The following PHF12 variants were observed in gnomAD, a reference collection of about 807,000 sequenced individuals.
PHF12 encodes the protein PHD finger protein 12.
PHF12 carries 6 observed loss-of-function variants against 99.8 expected under a neutral mutation model. The ratio of observed to expected loss-of-function variants is 0.06; its 90% CI spans 0.03 to 0.12. PHF12 has a LOEUF of 0.12. PHF12 is among the 10% of genes least tolerant of loss of function. The pLI, the probability that PHF12 is intolerant of heterozygous loss-of-function variation, is 1.00. For missense variants in PHF12, 954 were observed against 1,300.1 expected, an observed-to-expected ratio of 0.73 and a Z score of 4.09; for synonymous variants, 480 against 514.9, an observed-to-expected ratio of 0.93 and a Z score of 0.92.
intron 12 of PHF12, 73 bp from the exon 13 acceptor site, chr17:28,907,745 G>C (rs1190268206): frequency 7.0e-7 from 1 of 1,430,382 alleles, no homozygotes; most frequent in Non-Finnish European, 9.8e-7. Flanking sequence ...GGGGAGGTAA[G>C]ACAGGGAGAG....
rs1331316654 is a variant in PHF12 at position 28,910,124 on chromosome 17, T to A, written c.2359+102A>T. On this transcript the variant is annotated intron_variant, in intron 11 of 14. Coordinates refer to ENST00000332830, the MANE Select transcript of PHF12 (RefSeq NM_001033561.2). ...AGCCCATGAAAAGCACACAAGGAGG[T>A]TTGAGATACTGGAAGCTCAGATTCT... is the stretch of plus-strand genomic sequence containing the variant. 4.6e-6 allele frequency: 7 copies of A among 1,535,426 alleles called. No homozygotes were observed. The South Asian group carries it at 7.8e-5, about 17-fold the overall frequency.
rs768115709 is a variant in PHF12, at chr17:28,924,137, T to G, written c.487A>C (p.Arg163=). 9.3e-6 allele frequency: 15 copies of G among 1,614,112 alleles called. No individual in the cohort carries two copies. The highest frequency in any genetic ancestry group is 1.3e-5 in the Non-Finnish European group (15 of 1,180,048). ...GCGCTGGATGTGGGTGTGCCAGGCC[T>G]GCTGGCTCTCCTTTCCAGGATCCGG... ...HARILERRAS[R]PGTPTSSAST... Residue 163 remains arginine (R), a synonymous_variant, in exon 4 of 15, where the codon AGG becomes CGG. Coordinates refer to ENST00000332830, the MANE Select transcript of PHF12 (RefSeq NM_001033561.2).
In PHF12 at chr17:28,926,983, A is replaced by G. The variant is rs1167708830; in HGVS notation, c.321+8T>C. 1.2e-6 allele frequency: 2 copies of G among 1,613,994 alleles called. No individual in the cohort carries two copies. The highest frequency in any genetic ancestry group is 1.7e-5 in the Admixed American group (1 of 60,028). On this transcript the variant is annotated splice_region_variant and intron_variant, in intron 3 of 14. Transcript: ENST00000332830. ...TTCTGGACAGTCTTCAGAAAGCAGC[A>G]TTATTACCTTTCGGCGAACAGTGCA...
Position 28,924,177 on chromosome 17 carries a change from C to T in PHF12, c.447G>A (p.Lys149=), listed in dbSNP as rs761790356. ...LDRSASKTEL[K]AIAHARILER... is the part of the protein sequence containing the mutation. The stretch of plus-strand genomic sequence containing the variant: ...CCAGGATCCGGGCATGGGCAATGGC[C>T]TTTAGTTCAGTTTTGCTGGCCGATC... The change falls in exon 4 of 15, where the codon AAG becomes AAA. Residue 149 remains lysine, a synonymous_variant. Coordinates refer to ENST00000332830, the MANE Select transcript of PHF12 (RefSeq NM_001033561.2). The T allele has an allele frequency of 6.2e-7, 1 of 1,614,172 alleles. No individual in the cohort carries two copies. The highest frequency in any genetic ancestry group is 1.1e-5 in the South Asian group (1 of 91,086).
chr17:28,941,217 T>C (rs575899466), intron 2 of PHF12, among the ~76,000 whole-genome samples: 4 of 152,070 alleles, frequency 2.6e-5, no homozygotes, highest in African/African-American at 9.7e-5. Flanking sequence ...TGTGTTGGGG[T>C]TGGGACAAGA....
chr17:28,932,912 C>CTA (rs1394348474), intron 2 of PHF12, among the ~76,000 whole-genome samples: 5 of 151,184 alleles, frequency 3.3e-5, no homozygotes, highest in Admixed American at 1.3e-4. Flanking sequence ...CATCACTGCA[C>CTA]TCTAGCCTGG....
chr17:28,924,778 C>G (rs2040237557), intron 3 of PHF12: 1 of 193,624 alleles, frequency 5.2e-6, no homozygotes, highest in South Asian at 7.4e-5. Context: ...TGGTGAAACC[C>G]CATCTCTACT....
chr17:28,907,024 T>TAA, intron 13 of PHF12, 30 bp from the exon 14 acceptor site: 1 of 1,582,630 alleles, frequency 6.3e-7, no homozygotes, highest in African/African-American at 1.3e-5. Context: ...ATAAGATGTG[T>TAA]GGTCTGCTGT....
chr17:28,923,062 C>A (rs1047733677), intron 4 of PHF12, among the ~76,000 whole-genome samples: 1 of 150,218 alleles, frequency 6.7e-6, no homozygotes, highest in East Asian at 2.0e-4. Flanking sequence ...AAAAAAAATT[C>A]TATATTAATA....
chr17:28,907,052 G>A (rs1016911626), intron 13 of PHF12, 58 bp from the exon 14 acceptor site: 20 of 1,534,352 alleles, frequency 1.3e-5, no homozygotes, highest in Non-Finnish European at 1.8e-5. Flanking sequence ...CTGGGGCTAA[G>A]GGGAGAGAGG....
At chr17:28,927,258 G>A (rs942026334) in intron 2 of PHF12, among the ~76,000 whole-genome samples, 195 bp from the exon 3 acceptor site, 1 of 152,150 alleles carries the variant, frequency 6.6e-6, no homozygotes, top group Non-Finnish European at 1.5e-5. Context: ...CCACACCTTA[G>A]AGAGAGAAGC....
rs547999120 is a variant in PHF12 at position 28,907,956 on chromosome 17, A to G, written c.2459-284T>C. 20 of 280,814 alleles carry G rather than the reference A, an allele frequency of 7.1e-5. No homozygotes were observed. In the Admixed American group the frequency reaches 8.4e-4, roughly 12 times the overall value. 17.4% of individuals were successfully genotyped at this position (280,814 alleles called of 1,614,324 possible). ...CTACTGAAGAGGATGGGATATTTCTATGAAAATACAACATCGGGGTGCAGA... is the reference window on the plus strand; with the variant it reads ...CTACTGAAGAGGATGGGATATTTCTGTGAAAATACAACATCGGGGTGCAGA... On this transcript the variant is annotated intron_variant, in intron 12 of 14. Transcript: ENST00000332830.
chr17:28,940,281 T>C (rs2040590102), intron 2 of PHF12, among the ~76,000 whole-genome samples: 1 of 152,362 alleles, frequency 6.6e-6, no homozygotes, highest in South Asian at 2.1e-4. Flanking sequence ...CCACTAGGAA[T>C]TACACGGCAG....
chr17:28,914,145 C>A, intron 7 of PHF12, 108 bp from the exon 8 acceptor site: 2 of 1,253,242 alleles, frequency 1.6e-6, no homozygotes, highest in African/African-American at 1.5e-5. Context: ...CTCAAGGGAC[C>A]ATCCACTCTG....
rs1238150933 is a variant in PHF12, at chr17:28,910,219, T to A, written c.2359+7A>T. 6.2e-7 allele frequency: 1 copy of A among 1,614,118 alleles called. No homozygotes were observed. Among genetic ancestry groups the A allele is most frequent in the East Asian group, 2.2e-5 (1 of 44,894 alleles). On this transcript the variant is annotated splice_region_variant and intron_variant, in intron 11 of 14. Coordinates refer to ENST00000332830, the MANE Select transcript of PHF12 (RefSeq NM_001033561.2). ...GATGATGTGGTGACAGGTGTGTACA[T>A]GCGCACCTTCTATGTGGTGCCCTCC...
intron 2 of PHF12, among the ~76,000 whole-genome samples, chr17:28,948,688 C>G (rs1207966692): frequency 6.6e-6 from 1 of 152,192 alleles, no homozygotes; most frequent in Non-Finnish European, 1.5e-5. Context: ...AGACACTACT[C>G]CACAAACCGA....
rs571592962 is a variant in PHF12, at chr17:28,950,344, C to G, written c.67-98G>C. The G allele has an allele frequency of 4.9e-4, 636 of 1,309,476 alleles. 1 individual carries two copies. Among genetic ancestry groups the G allele is most frequent in the Non-Finnish European group, 5.8e-4 (560 of 969,106 alleles). 81.1% of individuals were successfully genotyped at this position (1,309,476 alleles called of 1,614,324 possible). A position where few individuals can be genotyped will look rare whatever the true frequency, so the allele number is the denominator to read the frequency against. The stretch of plus-strand genomic sequence containing the variant: ...TTCTCCGTCACCCACCCCTCTCCCC[C>G]CTTTTGTCCTTCTTCCTCCCATCCA... On this transcript the variant is annotated intron_variant, in intron 1 of 14. Coordinates refer to ENST00000332830, the MANE Select transcript of PHF12 (RefSeq NM_001033561.2). The surrounding 1 kb of genome is among the most constrained non-coding windows in gnomAD (Gnocchi z 5.7).
chr17:28,933,532 T>C (rs750496045), intron 2 of PHF12, among the ~76,000 whole-genome samples: 1 of 152,254 alleles, frequency 6.6e-6, no homozygotes. Context: ...ACTCTCAGGA[T>C]ATGCTTCAGA....
chr17:28,951,416 G>A lies in PHF12; in HGVS notation c.-456C>T. On this transcript the variant is annotated 5_prime_UTR_variant, in exon 1 of 15. Transcript: ENST00000332830. ...GGGTGGTCCCCGGGCTCCGCCTCTC[G>A]CCGCCGCCGCCGTCTGCGTCCCGGC... The A allele has an allele frequency of 1.0e-6, 1 of 986,798 alleles. No homozygotes were observed. The highest frequency in any genetic ancestry group is 4.6e-5 in the South Asian group (1 of 21,532). The allele number at this position is 986,798 out of a possible 1,614,324, so 61.1% of individuals were successfully genotyped here. A position where few individuals can be genotyped will look rare whatever the true frequency, so the allele number is the denominator to read the frequency against.
Sources: gnomAD v4.1 joint callset for allele counts (sites outside exome capture counted in the v4.1 genomes callset) on GRCh38, gnomAD v4.1.1 for gene constraint, Gnocchi (gnomAD v3.1) non-coding constraint, MANE v1.5 for transcripts, NCBI Gene and HGNC (gene_info 2026-07-23, HGNC 2026-07-21) for gene names.